The following KIRREL1 variants were observed in gnomAD, a reference collection of about 807,000 sequenced individuals.
The protein encoded by KIRREL1 is kin of IRRE-like protein 1.
In KIRREL1, 25 loss-of-function variants were observed where a neutral mutation model predicts 83.3. The ratio of observed to expected loss-of-function variants is 0.30; its 90% CI spans 0.22 to 0.42. The LOEUF is 0.42. KIRREL1 is among the 10% of genes least tolerant of loss of function. The pLI is 1.00. For synonymous variants in KIRREL1, 388 were observed against 410.4 expected, an observed-to-expected ratio of 0.95 and a Z score of 0.66; for missense variants, 812 against 1,032.3, an observed-to-expected ratio of 0.79 and a Z score of 2.92.
chr1:158,084,035 C>A (rs2101634127), intron 3 of KIRREL1, among the ~76,000 whole-genome samples: 1 of 152,256 alleles, frequency 6.6e-6, no homozygotes, highest in Admixed American at 6.5e-5. Flanking sequence ...GAGGCTGGGG[C>A]AGGAGAATCG....
At chr1:158,089,695 G>T in intron 9 of KIRREL1, 23 bp from the exon 10 acceptor site, 1 of 1,614,122 alleles carries the variant, frequency 6.2e-7, no homozygotes, top group South Asian at 1.1e-5. Context: ...AACTGGTTCT[G>T]ACTTGTGTCT....
chr1:158,091,180 G>A (rs534727556), intron 10 of KIRREL1, among the ~76,000 whole-genome samples, 178 bp from the exon 11 acceptor site: 4 of 152,340 alleles, frequency 2.6e-5, no homozygotes, highest in East Asian at 1.9e-4. Context: ...TGTCAGTGCC[G>A]AGGGTGTGAG....
intron 1 of KIRREL1, among the ~76,000 whole-genome samples, chr1:158,021,767 G>C (rs912230356): frequency 1.3e-5 from 2 of 152,148 alleles, no homozygotes; most frequent in Admixed American, 1.3e-4. Context: ...TTTACAAAAG[G>C]GGTTTTTTTG....
In KIRREL1 at chr1:158,089,721, C is replaced by T; in HGVS notation, c.1175C>T (p.Pro392Leu). The T allele has an allele frequency of 6.2e-7, 1 of 1,614,142 alleles. No homozygotes were observed. The highest frequency in any genetic ancestry group is 1.6e-4 in the Middle Eastern group (1 of 6,062). ...ACTTGTGTCTTCTTGCTTGCAGGGCCCCCCATCATCTCCAGTGAGGCAGTG... is the reference window on the plus strand; with the variant it reads ...ACTTGTGTCTTCTTGCTTGCAGGGCTCCCCATCATCTCCAGTGAGGCAGTG... ...EREVPLYVNG[P>L]PIISSEAVQY... The change falls in exon 10 of 15, where the codon CCC (proline) becomes CTC (leucine). Residue 392 changes from proline (P) to leucine (L), a missense_variant. Transcript: ENST00000359209.
chr1:157,998,416 T>C (rs1349529799), intron 1 of KIRREL1, among the ~76,000 whole-genome samples: 2 of 152,202 alleles, frequency 1.3e-5, no homozygotes, highest in Non-Finnish European at 2.9e-5. Context: ...CTGTCCTACA[T>C]TTTTTGGTGT....
chr1:158,024,416 C>T (rs563641763), intron 1 of KIRREL1, among the ~76,000 whole-genome samples: 1 of 150,488 alleles, frequency 6.6e-6, no homozygotes, highest in Admixed American at 6.6e-5. Context: ...GTAGCTGGGA[C>T]TATAGGTGTG....
At chr1:158,091,251 A>G (rs1662185884) in intron 10 of KIRREL1, 107 bp from the exon 11 acceptor site, 1 of 1,008,306 alleles carries the variant, frequency 9.9e-7, no homozygotes, top group Non-Finnish European at 1.5e-6. Flanking sequence ...TGGGGCACAC[A>G]TGGCACATAG....
chr1:158,050,056 A>G (rs1321829640), intron 1 of KIRREL1, among the ~76,000 whole-genome samples: 1 of 152,132 alleles, frequency 6.6e-6, no homozygotes, highest in East Asian at 1.9e-4. Flanking sequence ...GGTTTAAAGT[A>G]AAAAATCAGT....
At chr1:158,022,432 G>C (rs1660025559) in intron 1 of KIRREL1, among the ~76,000 whole-genome samples, 1 of 152,178 alleles carries the variant, frequency 6.6e-6, no homozygotes, top group African/African-American at 2.4e-5. Context: ...ACTGCCCAGT[G>C]CCACCCAGCG....
chr1:158,005,417 C>A (rs2101627297), intron 1 of KIRREL1, among the ~76,000 whole-genome samples: 1 of 152,190 alleles, frequency 6.6e-6, no homozygotes, highest in East Asian at 1.9e-4. Flanking sequence ...TCCCTGCCAC[C>A]TCACTAGCTC....
At chr1:158,017,788 C>A (rs1659874753) in intron 1 of KIRREL1, among the ~76,000 whole-genome samples, 1 of 148,988 alleles carries the variant, frequency 6.7e-6, no homozygotes. Flanking sequence ...TTCCTAATTA[C>A]TTACAAGGAA....
At chr1:158,081,726 CAT>C (rs1661863644) in intron 3 of KIRREL1, among the ~76,000 whole-genome samples, 1 of 149,290 alleles carries the variant, frequency 6.7e-6, no homozygotes, top group South Asian at 2.1e-4. Flanking sequence ...GGGACGAGCT[CAT>C]ATATGAGGGA....
At chr1:158,024,185 G>A (rs556491214) in intron 1 of KIRREL1, among the ~76,000 whole-genome samples, 90 of 152,090 alleles carry the variant, frequency 5.9e-4, no homozygotes, top group African/African-American at 2.1e-3. Flanking sequence ...CTGACCTCAG[G>A]TAATCCACCC....
intron 10 of KIRREL1, among the ~76,000 whole-genome samples, chr1:158,091,085 C>T (rs148852374): frequency 5.9e-5 from 9 of 152,306 alleles, no homozygotes; most frequent in Non-Finnish European, 1.2e-4. Context: ...GGACATAAGT[C>T]CCAAATATCT....
intron 1 of KIRREL1, among the ~76,000 whole-genome samples, chr1:158,021,918 T>C (rs1660012379): frequency 1.3e-5 from 2 of 152,266 alleles, no homozygotes; most frequent in South Asian, 4.1e-4. Flanking sequence ...GGTGTGGTTA[T>C]GGATAGTGCT....
chr1:158,043,435 G>T (rs902008786), intron 1 of KIRREL1, among the ~76,000 whole-genome samples: 7 of 152,144 alleles, frequency 4.6e-5, no homozygotes, highest in African/African-American at 1.7e-4. Context: ...CCAACCTGTG[G>T]CCTCCACCCC....
intron 1 of KIRREL1, 58 bp from the exon 2 acceptor site, chr1:158,076,055 C>T: frequency 6.6e-7 from 1 of 1,518,926 alleles, no homozygotes; most frequent in Admixed American, 2.0e-5. Flanking sequence ...TGAGGGGGAC[C>T]TCTTAGAGGA....
At chr1:158,082,051 A>G (rs1165957987) in intron 3 of KIRREL1, among the ~76,000 whole-genome samples, 1 of 152,006 alleles carries the variant, frequency 6.6e-6, no homozygotes, top group Non-Finnish European at 1.5e-5. Flanking sequence ...ACCTTTCTCT[A>G]CTTTTCAAGC....
At chr1:158,069,534 G>A (rs1292135773) in intron 1 of KIRREL1, among the ~76,000 whole-genome samples, 1 of 152,194 alleles carries the variant, frequency 6.6e-6, no homozygotes, top group Admixed American at 6.5e-5. Context: ...GGAGAACAGG[G>A]ATAGTCGCCC....
Sources: allele counts gnomAD v4.1 joint callset (sites outside exome capture counted in the v4.1 genomes callset), GRCh38; gene constraint gnomAD v4.1.1; transcripts MANE v1.5; gene names NCBI Gene and HGNC (gene_info 2026-07-23, HGNC 2026-07-21).